The following IQCF1 variants were observed in gnomAD, a reference collection of about 807,000 sequenced individuals.
IQCF1 encodes IQ domain-containing protein F1.
A neutral mutation model predicts 12.5 loss-of-function variants in IQCF1; 9 were observed. That is an observed-to-expected ratio of 0.72 (90% confidence interval 0.43 to 1.26). The LOEUF (loss-of-function observed/expected upper bound fraction) is 1.26. Among genes scored for constraint, IQCF1 ranks in the 50% most tolerant of loss-of-function variants. The pLI, the probability that IQCF1 is intolerant of heterozygous loss-of-function variation, is 0.00. For synonymous variants in IQCF1, 67 were observed against 96.2 expected (o/e 0.70, Z 1.78); for missense variants, 252 against 257.4 (o/e 0.98, Z 0.14).
Position 51,895,348 on chromosome 3 carries a change from A to G in IQCF1, c.172-12T>C. ...TGGTTTTCTGGGGGCTTTCAAGAAA[A>G]AAAGAGGGACCTTCAGAGAATGCTC... On this transcript the variant is annotated splice_polypyrimidine_tract_variant and intron_variant, in intron 3 of 3. Coordinates refer to ENST00000310914, the MANE Select transcript of IQCF1 (RefSeq NM_152397.3). This position sits in a 1 kb window ranked among gnomAD's most constrained non-coding sequence, Gnocchi z 4.8. 1.2e-6 allele frequency: 2 copies of G among 1,601,752 alleles called. No homozygotes were observed. The highest frequency in any genetic ancestry group is 1.7e-6 in the Non-Finnish European group (2 of 1,173,222).
At chr3:51,896,686 AAC>A (rs1013159061) in intron 3 of IQCF1, 144 bp downstream of exon 3, 36 of 628,982 alleles carry the variant, frequency 5.7e-5, no homozygotes, top group South Asian at 2.6e-4. Context: ...CACAAGCTCA[AAC>A]ACGCGCGCAC....
In IQCF1 at chr3:51,895,284, A is replaced by T; in HGVS notation, c.224T>A (p.Ile75Asn). The T allele has an allele frequency of 6.2e-7, 1 of 1,614,036 alleles. No homozygotes were observed. The highest frequency in any genetic ancestry group is 8.5e-7 in the Non-Finnish European group (1 of 1,179,954). ...CAGGGTGCCCCGCCACCAGGCCTGG[A>T]TCTTGGTGGCTACCGTATCTTTGTC... ...LSDKDTVATKIQAWWRGTLVR... is the reference protein window; with the variant it reads ...LSDKDTVATKNQAWWRGTLVR... Residue 75 changes from isoleucine to asparagine, a missense_variant, in exon 4 of 4, where the codon ATC becomes AAC. Transcript: ENST00000310914. This position sits in a 1 kb window ranked among gnomAD's most constrained non-coding sequence, Gnocchi z 4.8.
At position 51,895,195 on chromosome 3, in the gene IQCF1, T is replaced by C. The variant is rs752256013; in HGVS notation, c.313A>G (p.Ile105Val). 1 of 1,614,102 alleles carries C rather than the reference T, an allele frequency of 6.2e-7. No individual in the cohort carries two copies. Among genetic ancestry groups the C allele is most frequent in the Non-Finnish European group, 8.5e-7 (1 of 1,180,054 alleles). ...CTCTTCTTCAGAATCTTGGACAGTA[T>C]CAGCCGCCACCAGCACTGAATGATG... ...ACIIQCWWRL[I>V]LSKILKKRRQ... The change falls in exon 4 of 4, where the codon ATA becomes GTA. Residue 105 changes from isoleucine to valine, a missense_variant. By Grantham distance (29) the Ile-to-Val change is conservative. Transcript: ENST00000310914. This position sits in a 1 kb window ranked among gnomAD's most constrained non-coding sequence, Gnocchi z 4.8.
At position 51,895,281 on chromosome 3, in the gene IQCF1, T is replaced by A; in HGVS notation, c.227A>T (p.Gln76Leu). Residue 76 changes from glutamine to leucine, a missense_variant, in exon 4 of 4, where the codon CAG becomes CTG. Physicochemically the swap from Gln to Leu is moderately radical, Grantham distance 113. Transcript: ENST00000310914. The surrounding 1 kb of genome is among the most constrained non-coding windows in gnomAD (Gnocchi z 4.8). ...SDKDTVATKI[Q>L]AWWRGTLVRR... ...CACCAGGGTGCCCCGCCACCAGGCC[T>A]GGATCTTGGTGGCTACCGTATCTTT... The A allele has an allele frequency of 6.2e-7, 1 of 1,614,108 alleles. No homozygotes were observed. The highest frequency in any genetic ancestry group is 8.5e-7 in the Non-Finnish European group (1 of 1,179,976).
At chr3:51,901,780 A>G (rs1699078136) in intron 2 of IQCF1, among the ~76,000 whole-genome samples, 1 of 152,268 alleles carries the variant, frequency 6.6e-6, no homozygotes, top group African/African-American at 2.4e-5. Flanking sequence ...ATTAATAAAA[A>G]TATAGATTGA....
In IQCF1 at chr3:51,900,151, A is replaced by T. The variant is rs959214414; in HGVS notation, c.108+2834T>A. 6.6e-6 allele frequency among the ~76,000 whole-genome samples: 1 copy of T among 152,118 alleles called. No individual in the cohort carries two copies. The highest frequency in any genetic ancestry group is 2.4e-5 in the African/African-American group (1 of 41,410). On this transcript the variant is annotated intron_variant, in intron 2 of 3. Transcript: ENST00000310914. This position sits in a 1 kb window ranked among gnomAD's most constrained non-coding sequence, Gnocchi z 4.2. ...GCACCAGCCTGAAGATCACATTCTCATCAAAGGGTGGAAAGAAGGAAAACT... is the reference window on the plus strand; with the variant it reads ...GCACCAGCCTGAAGATCACATTCTCTTCAAAGGGTGGAAAGAAGGAAAACT...
chr3:51,902,653 CT>C (rs1209794212), intron 2 of IQCF1: 1 of 294,372 alleles, frequency 3.4e-6, no homozygotes, highest in Non-Finnish European at 6.6e-6. Flanking sequence ...CCCCATCACT[CT>C]CTTTAAATTA....
At chr3:51,897,130 C>T (rs113180132) in intron 2 of IQCF1, among the ~76,000 whole-genome samples, 8 of 151,958 alleles carry the variant, frequency 5.3e-5, no homozygotes, top group African/African-American at 1.7e-4. Flanking sequence ...TGACTCATTC[C>T]GATTTCCTGC....
At chr3:51,899,327 G>T (rs912530246) in intron 2 of IQCF1, among the ~76,000 whole-genome samples, 8 of 152,132 alleles carry the variant, frequency 5.3e-5, no homozygotes, top group African/African-American at 1.9e-4. Context: ...GCATGTTGAA[G>T]AATTATCTGT....
chr3:51,899,696 T>G (rs1699052743), intron 2 of IQCF1, among the ~76,000 whole-genome samples: 1 of 152,220 alleles, frequency 6.6e-6, no homozygotes, highest in Non-Finnish European at 1.5e-5. Flanking sequence ...TCTTAAAGCA[T>G]TAACCTGCTC....
intron 2 of IQCF1, among the ~76,000 whole-genome samples, chr3:51,901,528 C>A (rs1271768415): frequency 6.6e-6 from 1 of 152,184 alleles, no homozygotes; most frequent in Non-Finnish European, 1.5e-5. Flanking sequence ...TTACTGGACG[C>A]TCTGATGAAT....
At position 51,895,186 on chromosome 3, in the gene IQCF1, T is replaced by C. The variant is rs199838926; in HGVS notation, c.322A>G (p.Lys108Glu). Reference sequence around the variant, plus strand: ...GCCTGCCGCCTCTTCTTCAGAATCTTGGACAGTATCAGCCGCCACCAGCAC... The same window carrying C: ...GCCTGCCGCCTCTTCTTCAGAATCTCGGACAGTATCAGCCGCCACCAGCAC... The part of the protein sequence containing the change: ...IQCWWRLILS[K>E]ILKKRRQAAL... Residue 108 changes from lysine to glutamate, a missense_variant, in exon 4 of 4, where the codon AAG (lysine) becomes GAG (glutamate). Transcript: ENST00000310914. This position sits in a 1 kb window ranked among gnomAD's most constrained non-coding sequence, Gnocchi z 4.8. The C allele has an allele frequency of 3.6e-5, 58 of 1,614,228 alleles. No homozygotes were observed. The African/African-American group carries it at 5.2e-4, about 14-fold the overall frequency.
intron 3 of IQCF1, among the ~76,000 whole-genome samples, chr3:51,896,068 A>G (rs1461723007): frequency 6.6e-6 from 1 of 152,242 alleles, no homozygotes; most frequent in Non-Finnish European, 1.5e-5. Flanking sequence ...CTCTATTAAC[A>G]TAGCTAGATC....
intron 2 of IQCF1, among the ~76,000 whole-genome samples, chr3:51,897,470 G>A (rs1006622577): frequency 3.9e-5 from 6 of 152,130 alleles, no homozygotes; most frequent in African/African-American, 9.7e-5. Context: ...ATTCCCCTCC[G>A]GGGGTGGTCT....
chr3:51,895,592 G>T lies in IQCF1; in HGVS notation c.172-256C>A, dbSNP rs1175922519. Among the ~76,000 whole-genome samples the T allele has an allele frequency of 3.3e-5, 5 of 152,140 alleles. No homozygotes were observed. Among genetic ancestry groups the T allele is most frequent in the Admixed American group, 6.5e-5 (1 of 15,284 alleles). ...CCCCATCTTGGGGCACACCTGCCCT[G>T]GCTACCTCACCCAGTTTTCCATGGA... On this transcript the variant is annotated intron_variant, in intron 3 of 3. Coordinates refer to ENST00000310914, the MANE Select transcript of IQCF1 (RefSeq NM_152397.3). This position sits in a 1 kb window ranked among gnomAD's most constrained non-coding sequence, Gnocchi z 4.8.
chr3:51,901,616 A>T (rs534545859), intron 2 of IQCF1, among the ~76,000 whole-genome samples: 1 of 152,334 alleles, frequency 6.6e-6, no homozygotes, highest in South Asian at 2.1e-4. Context: ...AGGAAGGAAA[A>T]ATAAGACATC....
chr3:51,894,886 C>A lies in IQCF1; in HGVS notation c.*4G>T. The A allele has an allele frequency of 6.2e-7, 1 of 1,610,402 alleles. No homozygotes were observed. The highest frequency in any genetic ancestry group is 1.1e-5 in the South Asian group (1 of 90,652). On this transcript the variant is annotated 3_prime_UTR_variant, in exon 4 of 4. Coordinates refer to ENST00000310914, the MANE Select transcript of IQCF1 (RefSeq NM_152397.3). ...TTGTCAGAGACTATCTGGAAAAGAC[C>A]ACTTCATTCCTTTATTGAGAAGGGA... is the stretch of plus-strand genomic sequence containing the variant.
In IQCF1 at chr3:51,895,552, G is replaced by A. The variant is rs1485019327; in HGVS notation, c.172-216C>T. On this transcript the variant is annotated intron_variant, in intron 3 of 3. Coordinates refer to ENST00000310914, the MANE Select transcript of IQCF1 (RefSeq NM_152397.3). This position sits in a 1 kb window ranked among gnomAD's most constrained non-coding sequence, Gnocchi z 4.8. ...GCCACAAGCACAACAACTTGCCCCT[G>A]GGTCTCAGTGTCCTCCCCATCTTGG... Among the ~76,000 whole-genome samples, 1 of 152,146 alleles carries A rather than the reference G, an allele frequency of 6.6e-6. No individual in the cohort carries two copies. Among genetic ancestry groups the A allele is most frequent in the Non-Finnish European group, 1.5e-5 (1 of 68,034 alleles).
At chr3:51,903,186 G>C in intron 1 of IQCF1, 84 bp downstream of exon 1, 1 of 1,591,130 alleles carries the variant, frequency 6.3e-7, no homozygotes, top group Non-Finnish European at 8.6e-7. Context: ...GCTTCTTAGA[G>C]TCTTCAGTGT....
Sources: allele counts gnomAD v4.1 joint callset (sites outside exome capture counted in the v4.1 genomes callset), GRCh38; gene constraint gnomAD v4.1.1; non-coding constraint Gnocchi (gnomAD v3.1); transcripts MANE v1.5; gene names NCBI Gene and HGNC (gene_info 2026-07-23, HGNC 2026-07-21).